The following PLXNA4 variants were observed in gnomAD, a reference collection of about 807,000 sequenced individuals.
The protein encoded by PLXNA4 is plexin A4.
A neutral mutation model predicts 191.8 loss-of-function variants in PLXNA4; 44 were observed. The observed-to-expected ratio is 0.23, with a 90% CI of 0.18 to 0.29. The LOEUF is 0.29. Among genes scored for constraint, PLXNA4 ranks in the 10% least tolerant of loss-of-function variants. The probability of loss-of-function intolerance (pLI) is 1.00; values close to 1 mark genes in which losing one functional copy is unlikely to be tolerated. For synonymous variants in PLXNA4, 1,082 were observed against 1,009.5 expected (o/e 1.07, Z -1.36); for missense variants, 1,800 against 2,488.8 (o/e 0.72, Z 5.89).
chr7:132,201,566 C>T (rs1378456584), intron 12 of PLXNA4, among the ~76,000 whole-genome samples: 1 of 152,194 alleles, frequency 6.6e-6, no homozygotes, highest in Non-Finnish European at 1.5e-5. Flanking sequence ...CTTCCTGCTG[C>T]TTCATAATCC....
chr7:132,234,313 T>C (rs1274612853), intron 5 of PLXNA4, among the ~76,000 whole-genome samples: 1 of 152,218 alleles, frequency 6.6e-6, no homozygotes, highest in Non-Finnish European at 1.5e-5. Context: ...CCAAGTCCAG[T>C]AGGCTTGGTG....
chr7:132,267,544 T>C (rs1036461481), intron 4 of PLXNA4, among the ~76,000 whole-genome samples: 1 of 152,168 alleles, frequency 6.6e-6, no homozygotes, highest in Non-Finnish European at 1.5e-5. Flanking sequence ...CCACTGCTGT[T>C]AAGCTACATG....
At chr7:132,243,309 A>T (rs915684877) in intron 4 of PLXNA4, among the ~76,000 whole-genome samples, 1 of 152,170 alleles carries the variant, frequency 6.6e-6, no homozygotes, top group African/African-American at 2.4e-5. Context: ...TTAAACAGAA[A>T]ATCATGCCTT....
intron 9 of PLXNA4, among the ~76,000 whole-genome samples, chr7:132,213,899 G>C (rs1797881662): frequency 6.6e-6 from 1 of 152,200 alleles, no homozygotes; most frequent in South Asian, 2.1e-4. Context: ...CCATCCACAT[G>C]TTGCCACTGA....
rs149109933 is a variant in PLXNA4, at chr7:132,560,060, G to C, written c.-87+16362C>G. On this transcript the variant is annotated intron_variant, in intron 1 of 31. Coordinates refer to ENST00000321063, the MANE Select transcript of PLXNA4 (RefSeq NM_020911.2). ...TCGCCAGGTCCTACCTGCAGGCTTT[G>C]ATTGTGCAGACTTTGTCCTACCTCC... 5.3e-4 allele frequency among the ~76,000 whole-genome samples: 81 copies of C among 152,330 alleles called. 2 individuals are homozygous for C. The East Asian group carries it at 6.8e-3, about 13-fold the overall frequency.
chr7:132,324,608 C>A (rs1802292278), intron 3 of PLXNA4, among the ~76,000 whole-genome samples: 1 of 152,164 alleles, frequency 6.6e-6, no homozygotes, highest in Non-Finnish European at 1.5e-5. Context: ...TTGGGATAAA[C>A]CAGCCAGAAT....
At chr7:132,388,709 A>G (rs1255032440) in intron 3 of PLXNA4, among the ~76,000 whole-genome samples, 1 of 152,180 alleles carries the variant, frequency 6.6e-6, no homozygotes, top group African/African-American at 2.4e-5. Flanking sequence ...TTAAGTTGGG[A>G]CTACATTGGC....
At chr7:132,278,593 C>G (rs1376352106) in intron 4 of PLXNA4, among the ~76,000 whole-genome samples, 1 of 152,180 alleles carries the variant, frequency 6.6e-6, no homozygotes, top group Non-Finnish European at 1.5e-5. Context: ...TGGCCCGAGG[C>G]AGGGGTTCTC....
At position 132,506,530 on chromosome 7, in the gene PLXNA4, C is replaced by T. The variant is rs542092334; in HGVS notation, c.1188+976G>A. Reference sequence around the variant, plus strand: ...TTATAAAAGGAAAAGGACAAGAACACTGAAGATGCTGATAGCTGAGCCTTC... The same window carrying T: ...TTATAAAAGGAAAAGGACAAGAACATTGAAGATGCTGATAGCTGAGCCTTC... On this transcript the variant is annotated intron_variant, in intron 2 of 31. Coordinates refer to ENST00000321063, the MANE Select transcript of PLXNA4 (RefSeq NM_020911.2). Among the ~76,000 whole-genome samples the T allele has an allele frequency of 9.2e-5, 14 of 152,334 alleles. No homozygotes were observed. In the South Asian group the frequency reaches 1.2e-3, roughly 14 times the overall value.
chr7:132,190,929 G>C (rs1172043556), intron 14 of PLXNA4, among the ~76,000 whole-genome samples: 2 of 152,180 alleles, frequency 1.3e-5, no homozygotes, highest in Non-Finnish European at 2.9e-5. Context: ...CAGTAAATGG[G>C]GTGGGGTGCA....
chr7:132,165,745 A>C (rs1000551600), intron 22 of PLXNA4, among the ~76,000 whole-genome samples: 1 of 149,892 alleles, frequency 6.7e-6, no homozygotes, highest in Non-Finnish European at 1.5e-5. Flanking sequence ...AATCCTGGGG[A>C]GGTACCAATT....
rs565109307 is a variant in PLXNA4 at position 132,214,491 on chromosome 7, A to T, written c.2098-3348T>A. On this transcript the variant is annotated intron_variant, in intron 9 of 31. Coordinates refer to ENST00000321063, the MANE Select transcript of PLXNA4 (RefSeq NM_020911.2). ...CCAGTGTCCCTCCTAATTGAAATGT[A>T]AAACGGCAATTTCTCCCTAGGCACC... Among the ~76,000 whole-genome samples, 18 of 152,196 alleles carry T rather than the reference A, an allele frequency of 1.2e-4. No individual in the cohort carries two copies. In the South Asian group the frequency reaches 3.7e-3, roughly 32 times the overall value.
At chr7:132,529,509 T>A (rs1294812346) in intron 1 of PLXNA4, among the ~76,000 whole-genome samples, 1 of 152,220 alleles carries the variant, frequency 6.6e-6, no homozygotes, top group East Asian at 1.9e-4. Context: ...GAAAGTTTTT[T>A]TAAAAACACA....
intron 1 of PLXNA4, among the ~76,000 whole-genome samples, chr7:132,521,190 A>C (rs1489658380): frequency 6.6e-6 from 1 of 151,712 alleles, no homozygotes; most frequent in East Asian, 1.9e-4. Context: ...AAAAAAAAAA[A>C]AAAAAAAAAA....
At position 132,459,467 on chromosome 7, in the gene PLXNA4, A is replaced by G. The variant is rs546026807; in HGVS notation, c.1371+29825T>C. On this transcript the variant is annotated intron_variant, in intron 3 of 31. Transcript: ENST00000321063. ...AACCCCAGGGAAAGACCAAAGAGCA[A>G]TGAGCAGGCTACAGTCAATTTGATT... Among the ~76,000 whole-genome samples the G allele has an allele frequency of 6.0e-4, 91 of 152,294 alleles. 2 individuals carry two copies. The South Asian group carries it at 0.018, about 30-fold the overall frequency.
At chr7:132,133,286 C>A in intron 30 of PLXNA4, 87 bp from the exon 31 acceptor site, 1 of 1,547,380 alleles carries the variant, frequency 6.5e-7, no homozygotes, top group Non-Finnish European at 8.7e-7. Flanking sequence ...TGTCTGGGGC[C>A]ATGAGCTCAG....
intron 21 of PLXNA4, among the ~76,000 whole-genome samples, chr7:132,173,812 C>T (rs1370881761): frequency 6.6e-6 from 1 of 152,148 alleles, no homozygotes. Context: ...GATTTTTGAT[C>T]CATCCAAGCT....
chr7:132,646,404 A>G (rs1399421612), intron 1 of PLXNA4, among the ~76,000 whole-genome samples: 6 of 152,036 alleles, frequency 3.9e-5, no homozygotes, highest in East Asian at 1.9e-4. Flanking sequence ...TAAATTTCCT[A>G]TGTTGAATCC....
chr7:132,534,458 A>C (rs868067972), intron 1 of PLXNA4, among the ~76,000 whole-genome samples: 3 of 152,088 alleles, frequency 2.0e-5, no homozygotes, highest in Non-Finnish European at 4.4e-5. Context: ...TGGCGTCCAC[A>C]TATCTAAGCC....
Sources: gnomAD v4.1 joint callset for allele counts (sites outside exome capture counted in the v4.1 genomes callset) on GRCh38, gnomAD v4.1.1 for gene constraint, MANE v1.5 for transcripts, NCBI Gene and HGNC (gene_info 2026-07-23, HGNC 2026-07-21) for gene names.